Variants in ERGIC2 observed in about 807,000 individuals in gnomAD.
ERGIC2 encodes ERGIC and golgi 2, also known as endoplasmic reticulum-Golgi intermediate compartment protein 2.
In ERGIC2, 31 loss-of-function variants were observed where a neutral mutation model predicts 52.5. That is an observed-to-expected ratio of 0.59 (90% confidence interval 0.44 to 0.80). The LOEUF (loss-of-function observed/expected upper bound fraction) is 0.80. Ranked by LOEUF, ERGIC2 falls within the 30% of genes least tolerant of loss-of-function variation. ERGIC2 has a pLI of 0.00. For missense variants in ERGIC2, 395 were observed against 455.2 expected (o/e 0.87, Z 1.20); for synonymous variants, 129 against 140.6 (o/e 0.92, Z 0.58).
At chr12:29,366,365 C>T (rs1015936079) in intron 5 of ERGIC2, among the ~76,000 whole-genome samples, 3 of 151,840 alleles carry the variant, frequency 2.0e-5, no homozygotes, top group Non-Finnish European at 4.4e-5. Flanking sequence ...GCATTTCACA[C>T]GCTGAGGGAA....
chr12:29,380,119 C>CA (rs1940567255), intron 1 of ERGIC2, among the ~76,000 whole-genome samples: 3 of 151,532 alleles, frequency 2.0e-5, no homozygotes, highest in Non-Finnish European at 4.4e-5. Context: ...CCCACCCTCC[C>CA]AAAAAATCAG....
intron 5 of ERGIC2, among the ~76,000 whole-genome samples, chr12:29,365,240 T>C (rs548933121): frequency 4.6e-5 from 7 of 152,142 alleles, no homozygotes; most frequent in African/African-American, 1.4e-4. Flanking sequence ...ATAAACAAAA[T>C]GTGGTATACA....
intron 11 of ERGIC2, 103 bp from the exon 12 acceptor site, chr12:29,343,385 T>A: frequency 1.2e-6 from 1 of 814,338 alleles, no homozygotes; most frequent in Non-Finnish European, 1.8e-6. Flanking sequence ...CCTGAAGCCC[T>A]ACTGTAAAAG....
At chr12:29,352,899 A>C (rs1247182255) in intron 8 of ERGIC2, among the ~76,000 whole-genome samples, 1 of 152,146 alleles carries the variant, frequency 6.6e-6, no homozygotes, top group African/African-American at 2.4e-5. Flanking sequence ...AAAAAAATTA[A>C]AAAATCACCT....
At chr12:29,350,150 G>T in intron 8 of ERGIC2, 82 bp from the exon 9 acceptor site, 1 of 818,510 alleles carries the variant, frequency 1.2e-6, no homozygotes, top group Non-Finnish European at 2.0e-6. Flanking sequence ...TCTTCCCTAA[G>T]TTATATAATT....
intron 1 of ERGIC2, among the ~76,000 whole-genome samples, chr12:29,377,020 A>C (rs1940524041): frequency 6.6e-6 from 1 of 152,172 alleles, no homozygotes; most frequent in Non-Finnish European, 1.5e-5. Context: ...AAATTAAAAA[A>C]TGTAATTCTA....
intron 8 of ERGIC2, among the ~76,000 whole-genome samples, chr12:29,354,233 T>C (rs1322026737): frequency 6.6e-6 from 1 of 152,214 alleles, no homozygotes; most frequent in Non-Finnish European, 1.5e-5. Flanking sequence ...TATAAAGTTG[T>C]AGTTTTAATA....
At chr12:29,361,972 A>G (rs1940292587) in intron 5 of ERGIC2, among the ~76,000 whole-genome samples, 1 of 152,236 alleles carries the variant, frequency 6.6e-6, no homozygotes, top group African/African-American at 2.4e-5. Context: ...ACAAAATGGT[A>G]TCCTAGGGCT....
chr12:29,342,247 A>G (rs1372473376), intron 12 of ERGIC2, among the ~76,000 whole-genome samples: 1 of 152,194 alleles, frequency 6.6e-6, no homozygotes, highest in East Asian at 1.9e-4. Context: ...TTCTGGCCTC[A>G]AGTTGATCCG....
chr12:29,342,775 T>C (rs537250921), intron 12 of ERGIC2, among the ~76,000 whole-genome samples: 1 of 152,322 alleles, frequency 6.6e-6, no homozygotes, highest in Non-Finnish European at 1.5e-5. Flanking sequence ...TAGGTATTAT[T>C]ATTGCTATTT....
chr12:29,346,309 C>T lies in ERGIC2; in HGVS notation c.728-769G>A, dbSNP rs147430806. On this transcript the variant is annotated intron_variant, in intron 10 of 13. Coordinates refer to ENST00000360150, the MANE Select transcript of ERGIC2 (RefSeq NM_016570.3). ...GCTCCAGCAATCCTCCCGCCTCAGC[C>T]TCCTGCGTAGCTGGGACTACAATGC... Among the ~76,000 whole-genome samples, 1,212 of 151,866 alleles carry T rather than the reference C, an allele frequency of 8.0e-3. 10 individuals carry two copies. The highest frequency in any genetic ancestry group is 0.028 in the African/African-American group (1,149 of 41,408).
chr12:29,351,788 C>G (rs1166436921), intron 8 of ERGIC2, among the ~76,000 whole-genome samples: 1 of 152,122 alleles, frequency 6.6e-6, no homozygotes, highest in Non-Finnish European at 1.5e-5. Flanking sequence ...AAGATTACAG[C>G]TTCATTTTCA....
intron 8 of ERGIC2, among the ~76,000 whole-genome samples, chr12:29,351,636 TGAA>T (rs1485766468): frequency 2.6e-5 from 4 of 152,326 alleles, no homozygotes; most frequent in African/African-American, 9.6e-5. Context: ...ACACTCTTCT[TGAA>T]GAAGGCTAGT....
At position 29,340,092 on chromosome 12, in the gene ERGIC2, A is replaced by G. The variant is rs1220619810; in HGVS notation, c.*1064T>C. 2 of 152,152 alleles carry G rather than the reference A, an allele frequency of 1.3e-5. No homozygotes were observed. The highest frequency in any genetic ancestry group is 2.9e-5 in the Non-Finnish European group (2 of 67,984). 9.4% of individuals were successfully genotyped at this position (152,152 alleles called of 1,614,324 possible). On this transcript the variant is annotated 3_prime_UTR_variant, in exon 14 of 14. Coordinates refer to ENST00000360150, the MANE Select transcript of ERGIC2 (RefSeq NM_016570.3). ...TAGAACACAATCTAATACAGAATCA[A>G]TCATATTCAGGACACCCTGAATGCA... is the stretch of plus-strand genomic sequence containing the variant.
intron 1 of ERGIC2, among the ~76,000 whole-genome samples, chr12:29,373,387 T>C (rs979963100): frequency 6.6e-6 from 1 of 152,080 alleles, no homozygotes; most frequent in South Asian, 2.1e-4. Flanking sequence ...CAACACATAA[T>C]AGAATAAATC....
At chr12:29,365,319 G>T (rs948235242) in intron 5 of ERGIC2, among the ~76,000 whole-genome samples, 1 of 152,034 alleles carries the variant, frequency 6.6e-6, no homozygotes, top group Non-Finnish European at 1.5e-5. Context: ...CATGAATGCA[G>T]CTGGAGGCAA....
intron 10 of ERGIC2, 90 bp downstream of exon 10, chr12:29,348,989 A>ATC: frequency 1.6e-6 from 1 of 629,606 alleles, no homozygotes; most frequent in South Asian, 2.0e-5. Flanking sequence ...TTTACACAGT[A>ATC]GTTAGGAAGA....
At position 29,349,085 on chromosome 12, in the gene ERGIC2, T is replaced by C. The variant is rs533307798; in HGVS notation, c.721A>G (p.Ile241Val). The change falls in exon 10 of 14, where the codon ATA becomes GTA. Residue 241 changes from isoleucine (I) to valine (V), a missense_variant. Transcript: ENST00000360150. ...ATAATTATTAAATACTTACGATCTA[T>C]AGCAATTTTTTCAGTTCCATCTAAA... ...NPLDGTEKIA[I>V]DHNQMFQYFI... The C allele has an allele frequency of 4.0e-6, 6 of 1,495,860 alleles. No homozygotes were observed. In the Admixed American group the frequency reaches 8.4e-5, roughly 21 times the overall value. The allele number at this position is 1,495,860 out of a possible 1,614,324, so 92.7% of individuals were successfully genotyped here.
rs778201954 is a variant in ERGIC2 at position 29,345,492 on chromosome 12, T to C, written c.776A>G (p.His259Arg). 14 of 1,606,576 alleles carry C rather than the reference T, an allele frequency of 8.7e-6. No homozygotes were observed. The African/African-American group carries it at 1.2e-4, about 14-fold the overall frequency. Reference sequence around the variant, plus strand: ...GGTGTCTGCTGATATTTTATATGTATGTAGTTTTGTTGGCACAACTGTAAT... The same window carrying C: ...GGTGTCTGCTGATATTTTATATGTACGTAGTTTTGTTGGCACAACTGTAAT... ...YFITVVPTKLHTYKISADTHQ... is the reference protein window; with the variant it reads ...YFITVVPTKLRTYKISADTHQ... The change falls in exon 11 of 14, where the codon CAT (histidine) becomes CGT (arginine). Residue 259 changes from histidine (H) to arginine (R), a missense_variant. By Grantham distance (29) the His-to-Arg change is conservative (BLOSUM62 0). Transcript: ENST00000360150.
Sources: gnomAD v4.1 joint callset for allele counts (sites outside exome capture counted in the v4.1 genomes callset) on GRCh38, gnomAD v4.1.1 for gene constraint, MANE v1.5 for transcripts, NCBI Gene and HGNC (gene_info 2026-07-23, HGNC 2026-07-21) for gene names.